The following PTPN2 variants were observed in gnomAD, a reference collection of about 807,000 sequenced individuals.
PTPN2 encodes the protein tyrosine-protein phosphatase non-receptor type 2.
PTPN2 carries 19 observed loss-of-function variants against 57.3 expected under a neutral mutation model. That is an observed-to-expected ratio of 0.33 (90% CI 0.23 to 0.49). PTPN2 has a LOEUF of 0.49. PTPN2 is among the 20% of genes least tolerant of loss of function. The probability of loss-of-function intolerance (pLI) is 0.99; values close to 1 mark genes in which losing one functional copy is unlikely to be tolerated. For synonymous variants in PTPN2, 153 were observed against 164.9 expected (o/e 0.93, Z 0.55); for missense variants, 358 against 501.1 (o/e 0.71, Z 2.73).
intron 1 of PTPN2, among the ~76,000 whole-genome samples, chr18:12,868,794 C>T (rs1037294553): frequency 5.9e-5 from 9 of 151,368 alleles, no homozygotes; most frequent in South Asian, 2.1e-4. Context: ...TGAGCTACCA[C>T]ACCCAGCTCC....
chr18:12,788,092 A>C (rs1055535966), downstream of PTPN2: 3 of 154,920 alleles, frequency 1.9e-5, no homozygotes, highest in Admixed American at 2.0e-4. Context: ...AATTAACTAA[A>C]CTCAAAATAA....
rs974754664 is a variant in PTPN2, at chr18:12,794,180, G to A, written c.*98C>T. The A allele has an allele frequency of 5.9e-5, 91 of 1,553,808 alleles. No homozygotes were observed. The highest frequency in any genetic ancestry group is 6.8e-5 in the Non-Finnish European group (79 of 1,155,022). Reference sequence around the variant, plus strand: ...TGGTTGATGTCTATTCTACTGCACCGTTTTTGGGATATGAGGCGTTTGCTG... The same window carrying A: ...TGGTTGATGTCTATTCTACTGCACCATTTTTGGGATATGAGGCGTTTGCTG... On this transcript the variant is annotated 3_prime_UTR_variant, in exon 9 of 9. Transcript: ENST00000309660.
At chr18:12,827,214 A>C (rs898913762) in intron 4 of PTPN2, among the ~76,000 whole-genome samples, 1 of 151,814 alleles carries the variant, frequency 6.6e-6, no homozygotes, top group Non-Finnish European at 1.5e-5. Flanking sequence ...GTGGTGGTGG[A>C]CGCCTGTAGC....
rs541731696 is a variant in PTPN2 at position 12,829,504 on chromosome 18, C to CAA, written c.360+1437_360+1438dup. Among the ~76,000 whole-genome samples the CAA allele has an allele frequency of 4.8e-4, 43 of 89,106 alleles. 1 individual carries two copies. Among genetic ancestry groups the CAA allele is most frequent in the African/African-American group, 1.7e-3 (39 of 22,864 alleles). The allele number at this position is 89,106 out of a possible 152,430, so 58.5% of individuals were successfully genotyped here. A position where few individuals can be genotyped will look rare whatever the true frequency, so the allele number is the denominator to read the frequency against. On this transcript the variant is annotated intron_variant, in intron 4 of 8. Transcript: ENST00000309660. The stretch of plus-strand genomic sequence containing the variant: ...TGGGCAACAGGCGAGACTCTGTCTC[C>CAA]AAAAAAAAAAAAAAAAAAAGAGGAC...
rs530402344 is a variant in PTPN2, at chr18:12,837,237, T to C, written c.161-346A>G. Reference sequence around the variant, plus strand: ...CAGATTCTTGGTACCTAAGAATTGATTGGTCTACCTACAAAACGATAACTG... The same window carrying C: ...CAGATTCTTGGTACCTAAGAATTGACTGGTCTACCTACAAAACGATAACTG... On this transcript the variant is annotated intron_variant, in intron 2 of 8. Transcript: ENST00000309660. Among the ~76,000 whole-genome samples, 13 of 152,286 alleles carry C rather than the reference T, an allele frequency of 8.5e-5. No individual in the cohort carries two copies. The South Asian group carries it at 1.2e-3, about 15-fold the overall frequency.
chr18:12,870,508 TTG>T (rs1491246006), intron 1 of PTPN2, among the ~76,000 whole-genome samples: 1 of 63,354 alleles, frequency 1.6e-5, no homozygotes, highest in East Asian at 1.1e-3. Context: ...GAAAAGCGTG[TTG>T]TTTTTTTTTT....
intron 1 of PTPN2, among the ~76,000 whole-genome samples, chr18:12,873,277 G>A (rs1370006751): frequency 1.5e-5 from 2 of 129,982 alleles, no homozygotes; most frequent in South Asian, 2.2e-4. Context: ...CTCTCCCCAC[G>A]GTCTCCGTCT....
chr18:12,877,875 GTGGCGGGCGCCTGTAGTGT>G (rs561831570), intron 1 of PTPN2, among the ~76,000 whole-genome samples: 3 of 152,004 alleles, frequency 2.0e-5, no homozygotes, highest in Non-Finnish European at 2.9e-5. Flanking sequence ...GCCTGGCGTG[GTGGCGGGCGCCTGTAGTGT>G]TGGCGGGCGC....
intron 2 of PTPN2, among the ~76,000 whole-genome samples, chr18:12,850,382 G>A (rs1441059678): frequency 6.6e-6 from 1 of 152,010 alleles, no homozygotes; most frequent in East Asian, 1.9e-4. Context: ...CCAGCTACTC[G>A]AGGGGCTGAG....
chr18:12,834,722 A>G (rs75473574), intron 3 of PTPN2, among the ~76,000 whole-genome samples: 5 of 143,384 alleles, frequency 3.5e-5, no homozygotes, highest in Admixed American at 7.0e-5. Context: ...AGACTGGAGG[A>G]GAAAAAAAAA....
chr18:12,879,886 A>G (rs1249601529), intron 1 of PTPN2, among the ~76,000 whole-genome samples: 1 of 152,250 alleles, frequency 6.6e-6, no homozygotes, highest in Non-Finnish European at 1.5e-5. Context: ...ACATTATCAG[A>G]AACATCACCC....
intron 2 of PTPN2, among the ~76,000 whole-genome samples, chr18:12,843,006 C>T (rs1006300578): frequency 9.9e-5 from 15 of 152,270 alleles, no homozygotes; most frequent in African/African-American, 3.4e-4. Flanking sequence ...AAAGGAAAAG[C>T]GCAGAAACCT....
At chr18:12,873,003 C>G (rs1398372880) in intron 1 of PTPN2, among the ~76,000 whole-genome samples, 1 of 152,156 alleles carries the variant, frequency 6.6e-6, no homozygotes, top group Non-Finnish European at 1.5e-5. Context: ...GGTGGATCAC[C>G]TGAGGTCAGG....
intron 2 of PTPN2, among the ~76,000 whole-genome samples, chr18:12,851,094 T>C (rs992682973): frequency 1.3e-5 from 2 of 152,214 alleles, no homozygotes; most frequent in Non-Finnish European, 2.9e-5. Flanking sequence ...GTCCATTTTT[T>C]ACAAATAGAC....
chr18:12,880,683 T>C (rs897061890), intron 1 of PTPN2: 2 of 152,438 alleles, frequency 1.3e-5, no homozygotes, highest in Non-Finnish European at 2.9e-5. Context: ...TCCTCACCAG[T>C]CTTTTTTGCA....
At chr18:12,831,118 C>T (rs1325097038) in intron 3 of PTPN2, 77 bp from the exon 4 acceptor site, 6 of 984,560 alleles carry the variant, frequency 6.1e-6, no homozygotes, top group Middle Eastern at 4.3e-4. Context: ...CTTGTTAAGT[C>T]TGCTCCTGGG....
intron 3 of PTPN2, among the ~76,000 whole-genome samples, chr18:12,836,095 T>C (rs894982109): frequency 2.0e-5 from 3 of 152,260 alleles, no homozygotes; most frequent in Admixed American, 1.3e-4. Flanking sequence ...AATATTATGG[T>C]ATATCTTTTG....
downstream of PTPN2, among the ~76,000 whole-genome samples, chr18:12,788,511 G>C (rs2040902987): frequency 1.4e-5 from 2 of 138,574 alleles, no homozygotes; most frequent in South Asian, 4.8e-4. Context: ...GGGCTCAAAT[G>C]ATTCTCCAGC....
At chr18:12,840,774 C>T (rs1171223938) in intron 2 of PTPN2, 3 of 1,598,480 alleles carry the variant, frequency 1.9e-6, no homozygotes, top group Admixed American at 3.3e-5. Flanking sequence ...CCTTTACCAT[C>T]CTTTCCATAC....
Sources: allele counts gnomAD v4.1 joint callset (sites outside exome capture counted in the v4.1 genomes callset), GRCh38; gene constraint gnomAD v4.1.1; transcripts MANE v1.5; gene names NCBI Gene and HGNC (gene_info 2026-07-23, HGNC 2026-07-21).